The following RIMS2 variants were observed in gnomAD, a reference collection of about 807,000 sequenced individuals.
The protein encoded by RIMS2 is regulating synaptic membrane exocytosis protein 2.
In RIMS2, 59 loss-of-function variants were observed where a neutral mutation model predicts 174.4. The observed-to-expected ratio is 0.34, with a 90% CI of 0.27 to 0.42. RIMS2 has a LOEUF of 0.42. RIMS2 is among the 10% of genes least tolerant of loss of function. RIMS2 has a pLI of 1.00. For missense variants in RIMS2, 1,620 were observed against 1,666.3 expected, an observed-to-expected ratio of 0.97 and a Z score of 0.48; for synonymous variants, 606 against 572.5, an observed-to-expected ratio of 1.06 and a Z score of -0.84.
At chr8:103,558,949 A>G (rs568584868) in intron 1 of RIMS2, 5 of 153,048 alleles carry the variant, frequency 3.3e-5, no homozygotes, top group African/African-American at 9.6e-5. Context: ...TGCATCATTT[A>G]CAGGTAGCAC....
chr8:104,198,780 C>A (rs1419101531), intron 19 of RIMS2, among the ~76,000 whole-genome samples: 2 of 152,048 alleles, frequency 1.3e-5, no homozygotes, highest in Non-Finnish European at 2.9e-5. Context: ...GTCCTCGTCA[C>A]CAGAGACTGC....
At chr8:104,053,643 A>T (rs1207915867) in intron 19 of RIMS2, among the ~76,000 whole-genome samples, 1 of 152,196 alleles carries the variant, frequency 6.6e-6, no homozygotes, top group Admixed American at 6.6e-5. Context: ...TTAATATGTA[A>T]TTGAGTTTAA....
At chr8:104,111,172 A>C (rs2098174813) in intron 19 of RIMS2, among the ~76,000 whole-genome samples, 1 of 152,204 alleles carries the variant, frequency 6.6e-6, no homozygotes, top group Non-Finnish European at 1.5e-5. Context: ...TAAAGAGGAA[A>C]AATGTTATCC....
chr8:103,510,403 CTTCTA>C (rs1026828413), intron 1 of RIMS2, among the ~76,000 whole-genome samples: 7 of 152,106 alleles, frequency 4.6e-5, no homozygotes, highest in African/African-American at 1.7e-4. Context: ...TTAATTAATA[CTTCTA>C]TTAGCACACT....
intron 1 of RIMS2, among the ~76,000 whole-genome samples, chr8:103,557,946 C>T (rs1011104482): frequency 6.6e-6 from 1 of 152,140 alleles, no homozygotes; most frequent in East Asian, 1.9e-4. Context: ...CATAAATTCT[C>T]CCAACTATGG....
intron 16 of RIMS2, among the ~76,000 whole-genome samples, chr8:103,978,784 C>A (rs2093658465): frequency 6.6e-6 from 1 of 152,106 alleles, no homozygotes; most frequent in Non-Finnish European, 1.5e-5. Flanking sequence ...AATCAATAAT[C>A]AGACCCCCCC....
chr8:104,135,489 C>A (rs1295902862), intron 19 of RIMS2, among the ~76,000 whole-genome samples: 1 of 151,396 alleles, frequency 6.6e-6, no homozygotes, highest in African/African-American at 2.4e-5. Flanking sequence ...GTCTGTAGTC[C>A]CAACTACCTG....
At chr8:104,188,202 G>T (rs2098978255) in intron 19 of RIMS2, among the ~76,000 whole-genome samples, 1 of 149,654 alleles carries the variant, frequency 6.7e-6, no homozygotes, top group African/African-American at 2.5e-5. Context: ...GAAGAAGTGG[G>T]ACTTTTAATG....
intron 2 of RIMS2, among the ~76,000 whole-genome samples, chr8:103,747,983 G>A (rs2097842921): frequency 6.6e-6 from 1 of 152,090 alleles, no homozygotes. Context: ...ATTTGGAGTA[G>A]GTCAGATGAC....
intron 1 of RIMS2, among the ~76,000 whole-genome samples, chr8:103,637,601 T>C: frequency 6.6e-6 from 1 of 152,206 alleles, no homozygotes; most frequent in East Asian, 1.9e-4. Context: ...CATTTTGAAA[T>C]AATTTTAAAT....
chr8:103,640,027 G>C (rs1321518134), intron 1 of RIMS2, among the ~76,000 whole-genome samples: 1 of 151,718 alleles, frequency 6.6e-6, no homozygotes, highest in Non-Finnish European at 1.5e-5. Flanking sequence ...TCAGAGTTTT[G>C]TAGTTTTCCT....
At chr8:104,170,339 T>G (rs756801619) in intron 19 of RIMS2, among the ~76,000 whole-genome samples, 9 of 152,004 alleles carry the variant, frequency 5.9e-5, no homozygotes, top group Non-Finnish European at 7.4e-5. Context: ...TTTGATAAAT[T>G]TGGGATCTCC....
chr8:104,166,508 C>T (rs534577691), intron 19 of RIMS2, among the ~76,000 whole-genome samples: 1 of 152,140 alleles, frequency 6.6e-6, no homozygotes, highest in South Asian at 2.1e-4. Context: ...TAGTATGCAG[C>T]AGAGAAAGAT....
chr8:103,751,544 C>T (rs1333944118), intron 2 of RIMS2, among the ~76,000 whole-genome samples: 1 of 151,644 alleles, frequency 6.6e-6, no homozygotes, highest in Admixed American at 6.6e-5. Context: ...AATGGTTGAA[C>T]TAGTTTACAG....
intron 2 of RIMS2, among the ~76,000 whole-genome samples, chr8:103,765,778 AT>A (rs1350074612): frequency 6.6e-6 from 1 of 152,128 alleles, no homozygotes; most frequent in Non-Finnish European, 1.5e-5. Context: ...TTACAGGGAA[AT>A]TATCATCTTT....
chr8:104,249,329 T>C (rs2099351470), intron 21 of RIMS2, among the ~76,000 whole-genome samples, 158 bp from the exon 28 acceptor site: 1 of 152,184 alleles, frequency 6.6e-6, no homozygotes, highest in Admixed American at 6.5e-5. Context: ...ATTTTAATGC[T>C]TTTTAAAGGA....
intron 3 of RIMS2, among the ~76,000 whole-genome samples, chr8:103,881,055 AT>A (rs2099165040): frequency 6.6e-6 from 1 of 151,362 alleles, no homozygotes; most frequent in Admixed American, 6.6e-5. Flanking sequence ...TGATTTACAT[AT>A]TTTTATTTAT....
rs55665972 is a variant in RIMS2, at chr8:104,006,626, T to TTCTCTCTCTC, written c.3045-6782_3045-6773dup. 2.6e-3 allele frequency among the ~76,000 whole-genome samples: 355 copies of TTCTCTCTCTC among 138,200 alleles called. 2 individuals are homozygous for TTCTCTCTCTC. Among genetic ancestry groups the TTCTCTCTCTC allele is most frequent in the African/African-American group, 3.9e-3 (143 of 36,602 alleles). 90.7% of individuals were successfully genotyped at this position (138,200 alleles called of 152,430 possible). ...TCAAGCTAACTTGAGAGTGATCTAT[T>TTCTCTCTCTC]TCTCTCTCTCTCTCTCTCTCTCTCT... On this transcript the variant is annotated intron_variant, in intron 17 of 23. Transcript: ENST00000504942.
chr8:103,621,066 C>G (rs2095623186), intron 1 of RIMS2, among the ~76,000 whole-genome samples: 1 of 152,066 alleles, frequency 6.6e-6, no homozygotes, highest in Non-Finnish European at 1.5e-5. Context: ...AAATATTACA[C>G]ATGATGTCCT....
Sources: allele counts gnomAD v4.1 joint callset (sites outside exome capture counted in the v4.1 genomes callset), GRCh38; gene constraint gnomAD v4.1.1; transcripts MANE v1.5; gene names NCBI Gene and HGNC (gene_info 2026-07-23, HGNC 2026-07-21).